Variants in TMEM237 observed in about 807,000 individuals in gnomAD.
TMEM237 encodes the protein amyotrophic lateral sclerosis 2 (juvenile) chromosome region, candidate 4.
A neutral mutation model predicts 59.1 loss-of-function variants in TMEM237; 51 were observed. The ratio of observed to expected loss-of-function variants is 0.86; its 90% CI spans 0.69 to 1.09. The LOEUF (loss-of-function observed/expected upper bound fraction) is 1.09. Ranked by LOEUF, TMEM237 falls within the 50% of genes least tolerant of loss-of-function variation. The pLI is 0.00. For synonymous variants in TMEM237, 140 were observed against 166.1 expected, an observed-to-expected ratio of 0.84 and a Z score of 1.21; for missense variants, 475 against 478.3, an observed-to-expected ratio of 0.99 and a Z score of 0.06.
intron 12 of TMEM237, among the ~76,000 whole-genome samples, chr2:201,625,628 G>A (rs774587987): frequency 2.0e-5 from 3 of 152,130 alleles, no homozygotes; most frequent in Non-Finnish European, 4.4e-5. Flanking sequence ...AAATAGAGAA[G>A]GAAGAATAAT....
chr2:201,638,691 C>T (rs1687349439), intron 4 of TMEM237: 3 of 365,510 alleles, frequency 8.2e-6, no homozygotes, highest in Non-Finnish European at 9.8e-6. Flanking sequence ...AGCTTAAAAC[C>T]ATGTATGTTG....
At chr2:201,640,097 G>C (rs1012020305) in intron 3 of TMEM237, among the ~76,000 whole-genome samples, 164 bp downstream of exon 3, 2 of 152,178 alleles carry the variant, frequency 1.3e-5, no homozygotes, top group Non-Finnish European at 2.9e-5. Context: ...CTAGTGCTAT[G>C]TATCAATGAC....
chr2:201,633,982 G>A (rs1217486561), intron 5 of TMEM237, among the ~76,000 whole-genome samples: 2 of 152,200 alleles, frequency 1.3e-5, no homozygotes, highest in African/African-American at 4.8e-5. Flanking sequence ...AGTCACATAA[G>A]CCTAGCACAT....
At chr2:201,639,998 G>A (rs911009001) in intron 3 of TMEM237, among the ~76,000 whole-genome samples, 3 of 152,218 alleles carry the variant, frequency 2.0e-5, no homozygotes, top group African/African-American at 7.2e-5. Flanking sequence ...GGAAGGTGCA[G>A]TCCTCATTAT....
Position 201,636,769 on chromosome 2 carries a change from T to A in TMEM237, c.253A>T (p.Lys85Ter), listed in dbSNP as rs1251099126. ...HPEAPVQRRQ[K>*]KTRLPLELET... Reference sequence around the variant, plus strand: ...ATACCAAGAGGTAGCCTTGTCTTTTTCTGTCTTCTTTGAACAGGAGCCTCT... The same window carrying A: ...ATACCAAGAGGTAGCCTTGTCTTTTACTGTCTTCTTTGAACAGGAGCCTCT... The change falls in exon 5 of 13, where the codon AAA becomes TAA. Residue 85 changes from lysine to a stop codon, truncating the protein, a stop_gained. Transcript: ENST00000409883. LOFTEE classifies it high-confidence loss of function. 4.4e-6 allele frequency: 7 copies of A among 1,578,678 alleles called. No individual in the cohort carries two copies. The highest frequency in any genetic ancestry group is 6.0e-6 in the Non-Finnish European group (7 of 1,161,048).
chr2:201,624,157 T>C lies in TMEM237; in HGVS notation c.*98A>G. On this transcript the variant is annotated 3_prime_UTR_variant, in exon 13 of 13. Coordinates refer to ENST00000409883, the MANE Select transcript of TMEM237 (RefSeq NM_001044385.3). ...GTTTCAGTATTATATAATCAAAAAA[T>C]CTATTACAAATACACATGTATACAT... is the stretch of plus-strand genomic sequence containing the variant. The C allele has an allele frequency of 1.3e-6, 1 of 777,786 alleles. No homozygotes were observed. Among genetic ancestry groups the C allele is most frequent in the African/African-American group, 1.8e-5 (1 of 56,148 alleles). The allele number at this position is 777,786 out of a possible 1,614,324, so 48.2% of individuals were successfully genotyped here.
At chr2:201,636,065 T>G (rs1278756894) in intron 5 of TMEM237, 1 of 152,248 alleles carries the variant, frequency 6.6e-6, no homozygotes, top group Non-Finnish European at 1.5e-5. Flanking sequence ...TTTTAATGGG[T>G]ACCTGGTTCC....
rs1048388950 is a variant in TMEM237, at chr2:201,643,493, C to A, written c.-93G>T. On this transcript the variant is annotated 5_prime_UTR_variant, in exon 1 of 13. Coordinates refer to ENST00000409883, the MANE Select transcript of TMEM237 (RefSeq NM_001044385.3). This position sits in a 1 kb window ranked among gnomAD's most constrained non-coding sequence, Gnocchi z 4.3. ...GCGGCCTCCGGGACCTGTGGGACGCCGGGGCTTCGTGGCGCCTGGCGAGGC... is the reference window on the plus strand; with the variant it reads ...GCGGCCTCCGGGACCTGTGGGACGCAGGGGCTTCGTGGCGCCTGGCGAGGC... The A allele has an allele frequency of 3.1e-5, 36 of 1,167,936 alleles. No homozygotes were observed. In the African/African-American group the frequency reaches 5.4e-4, roughly 17 times the overall value. 72.3% of individuals were successfully genotyped at this position (1,167,936 alleles called of 1,614,324 possible).
In TMEM237 at chr2:201,624,333, A is replaced by C. The variant is rs771523623; in HGVS notation, c.1160-11T>G. On this transcript the variant is annotated splice_polypyrimidine_tract_variant and intron_variant, in intron 12 of 12. Transcript: ENST00000409883. ...AGGAGAACATTAACTCTGGAGAAGA[A>C]AATGAACAGATCATACTTAAAATTG... 2 of 1,605,894 alleles carry C rather than the reference A, an allele frequency of 1.2e-6. No individual in the cohort carries two copies.
chr2:201,633,301 A>G lies in TMEM237; in HGVS notation c.395+10T>C. On this transcript the variant is annotated intron_variant, in intron 6 of 12. Transcript: ENST00000409883. ...CTGGAGAATAGTTAGAAGAATAAAT[A>G]AATTCCTACTTTGTCTTCCTCCGAG... 2 of 1,594,906 alleles carry G rather than the reference A, an allele frequency of 1.3e-6. No homozygotes were observed. The highest frequency in any genetic ancestry group is 1.7e-6 in the Non-Finnish European group (2 of 1,170,804).
At position 201,627,316 on chromosome 2, in the gene TMEM237, CT is replaced by C; in HGVS notation, c.1037+4del. 2 of 1,596,048 alleles carry C rather than the reference CT, an allele frequency of 1.3e-6. No homozygotes were observed. The highest frequency in any genetic ancestry group is 1.7e-5 in the Admixed American group (1 of 58,200). ...ACAATTGCTAATGTCATTGTGAATT[CT>C]TACCAGAGGCTACCATTAACAGAAG... On this transcript the variant is annotated splice_donor_region_variant and intron_variant, in intron 11 of 12. Coordinates refer to ENST00000409883, the MANE Select transcript of TMEM237 (RefSeq NM_001044385.3).
At chr2:201,627,213 G>T (rs1957767446) in intron 11 of TMEM237, 108 bp downstream of exon 11, 2 of 730,684 alleles carry the variant, frequency 2.7e-6, no homozygotes, top group East Asian at 2.7e-5. Flanking sequence ...CCATATATTT[G>T]GAAACAAAAA....
chr2:201,641,587 T>C (rs145649058), intron 1 of TMEM237, among the ~76,000 whole-genome samples: 16 of 151,734 alleles, frequency 1.1e-4, no homozygotes, highest in African/African-American at 3.4e-4. Context: ...TGGTTGAGTA[T>C]TAGAAACAAT....
At chr2:201,642,592 A>G (rs1687447193) in intron 1 of TMEM237, 1 of 1,604,162 alleles carries the variant, frequency 6.2e-7, no homozygotes, top group Non-Finnish European at 8.5e-7. Flanking sequence ...AATTAAAAGT[A>G]GCTAAGGCTC....
chr2:201,624,270 G>T lies in TMEM237; in HGVS notation c.1212C>A (p.Ile404=). Residue 404 remains isoleucine, a synonymous_variant, in exon 13 of 13, where the codon ATC becomes ATA. Transcript: ENST00000409883. ...VEEYPDKEKE[I]KASS is the part of the protein sequence containing the mutation. ...TGAGCTGGTATTATGAAGAGGCTTT[G>T]ATTTCTTTCTCTTTATCAGGATATT... 6.2e-7 allele frequency: 1 copy of T among 1,612,032 alleles called. No homozygotes were observed. Among genetic ancestry groups the T allele is most frequent in the South Asian group, 1.1e-5 (1 of 90,856 alleles).
At chr2:201,631,725 G>A (rs541431271) in intron 7 of TMEM237, among the ~76,000 whole-genome samples, 2 of 152,280 alleles carry the variant, frequency 1.3e-5, no homozygotes, top group South Asian at 4.1e-4. Context: ...ATCAAACTGT[G>A]TGTGTGTGTG....
Position 201,627,396 on chromosome 2 carries a change from A to G in TMEM237, c.962T>C (p.Ile321Thr), listed in dbSNP as rs1219388736. 2 of 1,601,454 alleles carry G rather than the reference A, an allele frequency of 1.2e-6. No individual in the cohort carries two copies. The highest frequency in any genetic ancestry group is 1.7e-5 in the Admixed American group (1 of 58,588). Residue 321 changes from isoleucine to threonine, a missense_variant, in exon 11 of 13, where the codon ATA (isoleucine) becomes ACA (threonine). Ile to Thr is a moderately conservative substitution (Grantham distance 89, BLOSUM62 -1). Coordinates refer to ENST00000409883, the MANE Select transcript of TMEM237 (RefSeq NM_001044385.3). ...LASFLYFTAL[I>T]LSLSQQMTSD... The stretch of plus-strand genomic sequence containing the variant: ...TGTCATTTGCTGACTCAGAGATAGT[A>G]TAAGAGCAGTAAAGTACACTGAGAA...
rs776451247 is a variant in TMEM237, at chr2:201,628,084, G to A, written c.935C>T (p.Ala312Val). ...NFLALDPTAL[A>V]SFLYFTALIL... The stretch of plus-strand genomic sequence containing the variant: ...TTAAACTGCTTACTCACAGAAAGAT[G>A]CTAAAGCTGTAGGATCCAGGGCCAA... Residue 312 changes from alanine to valine, a missense_variant, in exon 10 of 13, where the codon GCA (alanine) becomes GTA (valine). By Grantham distance (64) the Ala-to-Val change is moderately conservative. Transcript: ENST00000409883. 29 of 1,606,932 alleles carry A rather than the reference G, an allele frequency of 1.8e-5. No homozygotes were observed. The highest frequency in any genetic ancestry group is 2.2e-5 in the Non-Finnish European group (26 of 1,176,428).
At chr2:201,625,239 G>A (rs1957747813) in intron 12 of TMEM237, among the ~76,000 whole-genome samples, 1 of 152,034 alleles carries the variant, frequency 6.6e-6, no homozygotes, top group Admixed American at 6.6e-5. Flanking sequence ...GCGGGCGCCT[G>A]TAGTTCCAGC....
Sources: allele counts gnomAD v4.1 joint callset (sites outside exome capture counted in the v4.1 genomes callset), GRCh38; gene constraint gnomAD v4.1.1; non-coding constraint Gnocchi (gnomAD v3.1); transcripts MANE v1.5; gene names NCBI Gene and HGNC (gene_info 2026-07-23, HGNC 2026-07-21).